RAI1: variants seen among roughly 807,000 people sequenced by gnomAD.
The protein encoded by RAI1 is retinoic acid-induced protein 1.
In RAI1, 9 loss-of-function variants were observed where a neutral mutation model predicts 123.8. That is an observed-to-expected ratio of 0.07 (90% CI 0.04 to 0.13). The LOEUF is 0.13. Ranked by LOEUF, RAI1 falls within the 10% of genes least tolerant of loss-of-function variation. The pLI is 1.00. For synonymous variants in RAI1, 1,231 were observed against 1,127.3 expected (o/e 1.09, Z -1.84); for missense variants, 2,256 against 2,545.8 (o/e 0.89, Z 2.45).
chr17:17,764,306 A>C (rs1047841673), intron 2 of RAI1, among the ~76,000 whole-genome samples: 3 of 152,334 alleles, frequency 2.0e-5, no homozygotes, highest in Middle Eastern at 3.4e-3. Context: ...GAATTTCTGC[A>C]AACCAAACAC....
chr17:17,760,339 A>G (rs922760696), intron 2 of RAI1, among the ~76,000 whole-genome samples: 3 of 151,964 alleles, frequency 2.0e-5, no homozygotes, highest in Non-Finnish European at 4.4e-5. Context: ...CCTGTAGATG[A>G]TGGACTTAGA....
intron 1 of RAI1, among the ~76,000 whole-genome samples, chr17:17,710,708 A>G (rs1215813284): frequency 6.6e-6 from 1 of 152,230 alleles, no homozygotes; most frequent in African/African-American, 2.4e-5. Context: ...AAACTGAGGT[A>G]AAAAAGTGGA....
intron 2 of RAI1, among the ~76,000 whole-genome samples, chr17:17,746,359 A>G (rs2142977228): frequency 6.6e-6 from 1 of 152,346 alleles, no homozygotes; most frequent in Non-Finnish European, 1.5e-5. Context: ...ACATCTGTTC[A>G]GTCCTCTTTC....
chr17:17,696,204 T>C (rs1915025829), intron 1 of RAI1, among the ~76,000 whole-genome samples: 1 of 152,256 alleles, frequency 6.6e-6, no homozygotes, highest in Admixed American at 6.5e-5. Flanking sequence ...TGTAGATGTA[T>C]GATAAACCAC....
chr17:17,716,473 G>T (rs1915717561), intron 1 of RAI1, among the ~76,000 whole-genome samples: 1 of 152,244 alleles, frequency 6.6e-6, no homozygotes, highest in Admixed American at 6.5e-5. Context: ...TGTACACACA[G>T]ATGTATATGC....
chr17:17,796,162 C>T lies in RAI1; in HGVS notation c.3214C>T (p.Pro1072Ser), dbSNP rs373079634. Reference protein sequence around the residue: ...ALSEPRTPGPPGLTTTPAPPD... With the variant: ...ALSEPRTPGPSGLTTTPAPPD... Reference sequence around the variant, plus strand: ...GAGTGAGCCCCGCACGCCCGGACCCCCAGGCCTGACCACCACCCCTGCACC... The same window carrying T: ...GAGTGAGCCCCGCACGCCCGGACCCTCAGGCCTGACCACCACCCCTGCACC... The change falls in exon 3 of 6, where the codon CCA (proline) becomes TCA (serine). Residue 1072 changes from proline to serine, a missense_variant. Transcript: ENST00000353383. The surrounding 1 kb of genome is among the most constrained non-coding windows in gnomAD (Gnocchi z 5.8). The T allele has an allele frequency of 1.3e-6, 2 of 1,557,974 alleles. No individual in the cohort carries two copies. Among genetic ancestry groups the T allele is most frequent in the African/African-American group, 1.4e-5 (1 of 73,312 alleles).
At chr17:17,782,469 C>T (rs965705133) in intron 2 of RAI1, among the ~76,000 whole-genome samples, 3 of 151,782 alleles carry the variant, frequency 2.0e-5, no homozygotes, top group African/African-American at 4.8e-5. Flanking sequence ...GCCGCGCGCC[C>T]GGGCCCCCTC....
At chr17:17,808,749 A>G (rs1315855194) in intron 4 of RAI1, among the ~76,000 whole-genome samples, 1 of 152,268 alleles carries the variant, frequency 6.6e-6, no homozygotes, top group East Asian at 1.9e-4. Flanking sequence ...TGCTGCCAAG[A>G]TGGTTTCTAT....
At chr17:17,708,474 A>G (rs1341213102) in intron 1 of RAI1, among the ~76,000 whole-genome samples, 2 of 151,952 alleles carry the variant, frequency 1.3e-5, no homozygotes, top group African/African-American at 2.4e-5. Flanking sequence ...GAGTCTCACT[A>G]TGTTGCCCAA....
rs1320375209 is a variant in RAI1, at chr17:17,800,745, A to G, written c.5565+2232A>G. Reference sequence around the variant, plus strand: ...GAACCAGGAACACCCTGCCAGACAGATGGGACATCCTGGGAGAATGGGCAG... The same window carrying G: ...GAACCAGGAACACCCTGCCAGACAGGTGGGACATCCTGGGAGAATGGGCAG... On this transcript the variant is annotated intron_variant, in intron 3 of 5. Coordinates refer to ENST00000353383, the MANE Select transcript of RAI1 (RefSeq NM_030665.4). The surrounding 1 kb of genome is among the most constrained non-coding windows in gnomAD (Gnocchi z 4.7). Among the ~76,000 whole-genome samples, 1 of 152,214 alleles carries G rather than the reference A, an allele frequency of 6.6e-6. No individual in the cohort carries two copies. Among genetic ancestry groups the G allele is most frequent in the African/African-American group, 2.4e-5 (1 of 41,448 alleles).
chr17:17,686,761 C>T (rs772574332), intron 1 of RAI1, among the ~76,000 whole-genome samples: 1 of 151,842 alleles, frequency 6.6e-6, no homozygotes, highest in Admixed American at 6.6e-5. Context: ...GTTCCTGCTG[C>T]TGCTGCTGGA....
intron 1 of RAI1, among the ~76,000 whole-genome samples, chr17:17,719,367 T>G (rs1598032346): frequency 6.6e-6 from 1 of 152,176 alleles, no homozygotes; most frequent in African/African-American, 2.4e-5. Context: ...TGGCCATTCC[T>G]CAAAAATCCC....
chr17:17,745,204 T>C (rs1290378328), intron 2 of RAI1, among the ~76,000 whole-genome samples: 9 of 152,032 alleles, frequency 5.9e-5, no homozygotes, highest in Non-Finnish European at 1.0e-4. Flanking sequence ...CACAAGTTTT[T>C]AGGTAGAAGA....
intron 2 of RAI1, among the ~76,000 whole-genome samples, chr17:17,792,317 G>A (rs572121458): frequency 7.4e-5 from 11 of 149,316 alleles, no homozygotes; most frequent in Non-Finnish European, 1.5e-4. Flanking sequence ...GTGTGCATGC[G>A]TGTGTGTGTG....
At chr17:17,753,023 G>C (rs921348637) in intron 2 of RAI1, among the ~76,000 whole-genome samples, 1 of 152,236 alleles carries the variant, frequency 6.6e-6, no homozygotes, top group African/African-American at 2.4e-5. Flanking sequence ...CCCGGGACTT[G>C]GGAGGAAGGG....
chr17:17,692,712 GT>G (rs1187188720), intron 1 of RAI1, among the ~76,000 whole-genome samples: 3 of 152,236 alleles, frequency 2.0e-5, no homozygotes, highest in African/African-American at 7.2e-5. Context: ...GACCAAAGCA[GT>G]TTTTCTTTTC....
intron 2 of RAI1, 35 bp from the exon 3 acceptor site, chr17:17,792,898 T>TC: frequency 4.9e-6 from 3 of 606,828 alleles, no homozygotes; most frequent in South Asian, 1.5e-5. Context: ...CCTCCCTCCT[T>TC]CCCTCCCTCC....
At chr17:17,804,504 G>A (rs940922578) in intron 4 of RAI1, among the ~76,000 whole-genome samples, 1 of 152,154 alleles carries the variant, frequency 6.6e-6, no homozygotes, top group Admixed American at 6.5e-5. Flanking sequence ...TACCTTTATC[G>A]ACCAGGTGGG....
At chr17:17,764,489 T>C (rs999817756) in intron 2 of RAI1, among the ~76,000 whole-genome samples, 2 of 151,658 alleles carry the variant, frequency 1.3e-5, no homozygotes, top group Non-Finnish European at 2.9e-5. Flanking sequence ...TTTTTTTTTT[T>C]TGAGACAAAA....
Sources: allele counts gnomAD v4.1 joint callset (sites outside exome capture counted in the v4.1 genomes callset), GRCh38; gene constraint gnomAD v4.1.1; non-coding constraint Gnocchi (gnomAD v3.1); transcripts MANE v1.5; gene names NCBI Gene and HGNC (gene_info 2026-07-23, HGNC 2026-07-21).